LARGE1: variants seen among roughly 807,000 people sequenced by gnomAD.
The protein encoded by LARGE1 is LARGE xylosyl- and glucuronyltransferase 1.
In LARGE1, 43 loss-of-function variants were observed where a neutral mutation model predicts 87.6. That is an observed-to-expected ratio of 0.49 (90% CI 0.38 to 0.63). The LOEUF (loss-of-function observed/expected upper bound fraction) is 0.63, where lower values mean the gene tolerates loss of function less well. Ranked by LOEUF, LARGE1 falls within the 30% of genes least tolerant of loss-of-function variation. The probability of loss-of-function intolerance (pLI) is 0.00; values close to 1 mark genes in which losing one functional copy is unlikely to be tolerated. For missense variants in LARGE1, 802 were observed against 1,000.2 expected, an observed-to-expected ratio of 0.80 and a Z score of 2.67; for synonymous variants, 434 against 394.6, an observed-to-expected ratio of 1.10 and a Z score of -1.18.
the LARGE1 span, among the ~76,000 whole-genome samples, chr22:33,086,907 T>C: frequency 6.6e-6 from 1 of 152,232 alleles, no homozygotes. Flanking sequence ...TTGGATTCTG[T>C]TAAAAATCAT....
In LARGE1 at chr22:33,320,507, C is replaced by T. The variant is rs901256662; in HGVS notation, c.1288-4259G>A. Among the ~76,000 whole-genome samples, 6 of 152,280 alleles carry T rather than the reference C, an allele frequency of 3.9e-5. No homozygotes were observed. The South Asian group carries it at 8.3e-4, about 21-fold the overall frequency. On this transcript the variant is annotated intron_variant, in intron 10 of 14. Coordinates refer to ENST00000397394, the MANE Select transcript of LARGE1 (RefSeq NM_133642.5). ...GTCAACTTAAACTGAAATTATTTAA[C>T]GGCAACTTTCCCGGTGAGACTGTGA...
At chr22:33,733,583 G>T (rs2083545170) in intron 2 of LARGE1, 1 of 152,064 alleles carries the variant, frequency 6.6e-6, no homozygotes, top group Non-Finnish European at 1.5e-5. Flanking sequence ...ATACAGGTTG[G>T]CTTTTCTCTT....
intron 2 of LARGE1, among the ~76,000 whole-genome samples, chr22:33,654,681 C>G (rs571063668): frequency 6.6e-6 from 1 of 152,326 alleles, no homozygotes; most frequent in South Asian, 2.1e-4. Flanking sequence ...GCACTGGTCC[C>G]TCCCAGGAAC....
chr22:33,839,006 C>T (rs2146395598), intron 1 of LARGE1, among the ~76,000 whole-genome samples: 1 of 152,296 alleles, frequency 6.6e-6, no homozygotes, highest in South Asian at 2.1e-4. Flanking sequence ...AGAAATAGCC[C>T]AGTCCATAGA....
At chr22:33,442,824 G>T (rs1455397929) in intron 6 of LARGE1, among the ~76,000 whole-genome samples, 7 of 147,060 alleles carry the variant, frequency 4.8e-5, no homozygotes, top group Admixed American at 4.1e-4. Flanking sequence ...ATGGAGTCTC[G>T]CTCTGCCGCC....
At chr22:33,721,488 G>A (rs1214324641) in intron 2 of LARGE1, among the ~76,000 whole-genome samples, 1 of 152,168 alleles carries the variant, frequency 6.6e-6, no homozygotes, top group Non-Finnish European at 1.5e-5. Flanking sequence ...TTAAATGTCT[G>A]GGTGAAATAG....
chr22:33,497,074 T>C (rs1342108418), intron 6 of LARGE1, among the ~76,000 whole-genome samples: 1 of 149,990 alleles, frequency 6.7e-6, no homozygotes, highest in Non-Finnish European at 1.5e-5. Context: ...TTCTTTTCTT[T>C]TTTTTTTTTT....
chr22:33,575,353 T>C (rs1445867969), intron 5 of LARGE1, among the ~76,000 whole-genome samples: 1 of 152,198 alleles, frequency 6.6e-6, no homozygotes, highest in Non-Finnish European at 1.5e-5. Context: ...AAAGGAAGTG[T>C]TGATGTAAGA....
At chr22:33,913,535 G>C (rs1309963643) in intron 1 of LARGE1, among the ~76,000 whole-genome samples, 1 of 151,978 alleles carries the variant, frequency 6.6e-6, no homozygotes, top group African/African-American at 2.4e-5. Context: ...GAAGTCTTTG[G>C]TGTTTTTTTT....
intron 9 of LARGE1, among the ~76,000 whole-genome samples, chr22:33,380,396 T>C (rs1002028900): frequency 6.6e-6 from 1 of 152,246 alleles, no homozygotes; most frequent in Non-Finnish European, 1.5e-5. Flanking sequence ...TAAAAAAAAG[T>C]TCTTTCTTTC....
chr22:33,683,996 A>T (rs2149312602), intron 2 of LARGE1, among the ~76,000 whole-genome samples: 1 of 152,304 alleles, frequency 6.6e-6, no homozygotes, highest in Middle Eastern at 3.4e-3. Context: ...CCCTCGCTGG[A>T]AGACTGTCCT....
At chr22:33,652,112 G>A (rs530718898) in intron 2 of LARGE1, among the ~76,000 whole-genome samples, 27 of 152,106 alleles carry the variant, frequency 1.8e-4, no homozygotes, top group Non-Finnish European at 3.4e-4. Flanking sequence ...GGAGGCAGGG[G>A]TTGCAGTAAG....
intron 2 of LARGE1, among the ~76,000 whole-genome samples, chr22:33,755,915 G>A (rs184288891): frequency 6.6e-6 from 1 of 152,290 alleles, no homozygotes; most frequent in East Asian, 1.9e-4. Context: ...GATGACTGCT[G>A]GTCATAGATG....
chr22:33,348,280 A>ACCCCCCCC (rs11327050), intron 9 of LARGE1, among the ~76,000 whole-genome samples: 1 of 100,930 alleles, frequency 9.9e-6, no homozygotes, highest in Non-Finnish European at 2.0e-5. Context: ...TCCCCCACCC[A>ACCCCCCCC]CCCCCCCCCA....
intron 2 of LARGE1, among the ~76,000 whole-genome samples, chr22:33,712,675 TGTGTG>T (rs2082770426): frequency 1.3e-5 from 2 of 150,992 alleles, no homozygotes; most frequent in Non-Finnish European, 2.9e-5. Context: ...TGTGTGTGTG[TGTGTG>T]TGTGTCTGCA....
chr22:33,269,840 C>T (rs1034118249), downstream of LARGE1, among the ~76,000 whole-genome samples: 2 of 152,008 alleles, frequency 1.3e-5, no homozygotes, highest in African/African-American at 4.8e-5. Context: ...CCTGTCTCTA[C>T]TAAAAATACA....
At chr22:33,147,374 T>C in the LARGE1 span, among the ~76,000 whole-genome samples, 1 of 152,182 alleles carries the variant, frequency 6.6e-6, no homozygotes, top group Non-Finnish European at 1.5e-5. Context: ...CAAGAATATA[T>C]GAGTGATCTA....
At chr22:33,269,889 C>CA (rs1928154705), downstream of LARGE1, among the ~76,000 whole-genome samples, 1 of 151,748 alleles carries the variant, frequency 6.6e-6, no homozygotes, top group African/African-American at 2.4e-5. Flanking sequence ...CCTGTAGTCC[C>CA]AGCTACTCGG....
chr22:33,458,431 T>G (rs1410912228), intron 6 of LARGE1, among the ~76,000 whole-genome samples: 1 of 148,540 alleles, frequency 6.7e-6, no homozygotes, highest in Non-Finnish European at 1.5e-5. Flanking sequence ...CTGTTATTTT[T>G]TATTTTTTTA....
Sources: allele counts gnomAD v4.1 joint callset (sites outside exome capture counted in the v4.1 genomes callset), GRCh38; gene constraint gnomAD v4.1.1; transcripts MANE v1.5; gene names NCBI Gene and HGNC (gene_info 2026-07-23, HGNC 2026-07-21).